SUGCT: variants seen among roughly 807,000 people sequenced by gnomAD.
SUGCT encodes succinyl-CoA:glutarate-CoA transferase, also known as succinyl-CoA:glutarate CoA-transferase.
In SUGCT, 41 loss-of-function variants were observed where a neutral mutation model predicts 55.0. That is an observed-to-expected ratio of 0.74 (90% CI 0.58 to 0.97). The LOEUF is 0.97. SUGCT is among the 50% of genes least tolerant of loss of function. The probability of loss-of-function intolerance (pLI) is 0.00; values close to 1 mark genes in which losing one functional copy is unlikely to be tolerated. For synonymous variants in SUGCT, 187 were observed against 200.4 expected (o/e 0.93, Z 0.56); for missense variants, 568 against 547.8 (o/e 1.04, Z -0.37).
At chr7:40,600,495 T>C (rs1798239928) in intron 12 of SUGCT, among the ~76,000 whole-genome samples, 1 of 152,224 alleles carries the variant, frequency 6.6e-6, no homozygotes, top group Non-Finnish European at 1.5e-5. Flanking sequence ...GTGCATCTGC[T>C]TAATCTCCAG....
At chr7:40,531,347 A>T (rs1794072267) in intron 12 of SUGCT, among the ~76,000 whole-genome samples, 1 of 152,148 alleles carries the variant, frequency 6.6e-6, no homozygotes. Flanking sequence ...TCACAGCCAC[A>T]CAGTAAATGG....
At chr7:40,828,688 G>A (rs1363136402) in intron 13 of SUGCT, among the ~76,000 whole-genome samples, 1 of 151,882 alleles carries the variant, frequency 6.6e-6, no homozygotes, top group Non-Finnish European at 1.5e-5. Flanking sequence ...ATTGTACTGT[G>A]CATTGTTATG....
intron 13 of SUGCT, among the ~76,000 whole-genome samples, chr7:40,796,177 AGTCAGTAAAAGAT>A (rs1240082575): frequency 2.6e-5 from 4 of 152,188 alleles, no homozygotes; most frequent in Non-Finnish European, 5.9e-5. Context: ...CCCACTAAAT[AGTCAGTAAAAGAT>A]GTCTAATAGC....
chr7:40,272,649 A>T, intron 7 of SUGCT, among the ~76,000 whole-genome samples: 1 of 146,648 alleles, frequency 6.8e-6, no homozygotes, highest in African/African-American at 2.5e-5. Flanking sequence ...TGGTATTATT[A>T]TTATTATTAT....
chr7:40,447,610 G>C (rs1028025632), intron 9 of SUGCT, among the ~76,000 whole-genome samples: 1 of 152,116 alleles, frequency 6.6e-6, no homozygotes, highest in Non-Finnish European at 1.5e-5. Flanking sequence ...ACCTTGAAAG[G>C]GGTGTTGGGA....
At chr7:40,810,487 G>A (rs1423722117) in intron 13 of SUGCT, among the ~76,000 whole-genome samples, 1 of 152,036 alleles carries the variant, frequency 6.6e-6, no homozygotes, top group African/African-American at 2.4e-5. Context: ...ATCTTATTGT[G>A]GTTTTGATTT....
chr7:40,311,049 G>A (rs989673639), intron 8 of SUGCT, among the ~76,000 whole-genome samples: 10 of 151,858 alleles, frequency 6.6e-5, no homozygotes. Context: ...TTTTCTTTTC[G>A]CTTCAATTAC....
chr7:40,688,586 A>G (rs894245518), intron 12 of SUGCT, among the ~76,000 whole-genome samples: 6 of 152,130 alleles, frequency 3.9e-5, no homozygotes, highest in Admixed American at 2.0e-4. Context: ...CAAAATTTCT[A>G]GCACATGTTG....
At position 40,223,039 on chromosome 7, in the gene SUGCT, T is replaced by TTCCTTCCTTCCA. The variant is rs1554291675; in HGVS notation, c.485-14593_485-14592insTTCCTTCCATCC. On this transcript the variant is annotated intron_variant, in intron 6 of 13. Transcript: ENST00000335693. ...CTTCCTTCCTTCCTTCCTTCCTTCCTTCCATCCATCCACCCATCCTTCCAT... is the reference window on the plus strand; with the variant it reads ...CTTCCTTCCTTCCTTCCTTCCTTCCTTCCTTCCTTCCATCCATCCATCCACCCATCCTTCCAT... 3.8e-4 allele frequency among the ~76,000 whole-genome samples: 51 copies of TTCCTTCCTTCCA among 133,380 alleles called. 1 individual carries two copies. The highest frequency in any genetic ancestry group is 1.9e-4 in the Non-Finnish European group (12 of 61,596). 87.5% of individuals were successfully genotyped at this position (133,380 alleles called of 152,430 possible). A position where few individuals can be genotyped will look rare whatever the true frequency, so the allele number is the denominator to read the frequency against.
intron 9 of SUGCT, among the ~76,000 whole-genome samples, chr7:40,348,836 T>G (rs1282685321): frequency 6.6e-6 from 1 of 152,178 alleles, no homozygotes; most frequent in Non-Finnish European, 1.5e-5. Context: ...TGTAATTTCT[T>G]TTGACTTCTC....
At chr7:40,698,766 C>T (rs1785047982) in intron 12 of SUGCT, among the ~76,000 whole-genome samples, 1 of 152,254 alleles carries the variant, frequency 6.6e-6, no homozygotes. Flanking sequence ...ATGACTCATA[C>T]TTTTCAACTC....
intron 3 of SUGCT, among the ~76,000 whole-genome samples, chr7:40,187,243 C>G (rs189050883): frequency 6.6e-6 from 1 of 152,034 alleles, no homozygotes; most frequent in African/African-American, 2.4e-5. Flanking sequence ...AATGAGAACA[C>G]ATGGACACAG....
At chr7:40,728,859 G>C (rs1011471940) in intron 12 of SUGCT, among the ~76,000 whole-genome samples, 1 of 152,134 alleles carries the variant, frequency 6.6e-6, no homozygotes, top group African/African-American at 2.4e-5. Context: ...TAACCATAAC[G>C]GTAATTGCAA....
chr7:40,421,814 C>T (rs1020278036), intron 9 of SUGCT, among the ~76,000 whole-genome samples: 9 of 152,140 alleles, frequency 5.9e-5, no homozygotes, highest in African/African-American at 9.7e-5. Context: ...ACTGTGTACT[C>T]ACTGATACTT....
At chr7:40,955,637 C>A in the SUGCT span, among the ~76,000 whole-genome samples, 13 of 152,248 alleles carry the variant, frequency 8.5e-5, no homozygotes, top group South Asian at 2.5e-3. Context: ...CTTTCTCTTG[C>A]CTGATTTCCC....
chr7:40,961,307 C>T, the SUGCT span, among the ~76,000 whole-genome samples: 1 of 152,170 alleles, frequency 6.6e-6, no homozygotes, highest in African/African-American at 2.4e-5. Flanking sequence ...ACACACAGTG[C>T]CACACCTGCC....
At chr7:40,558,058 T>C (rs1795647365) in intron 12 of SUGCT, among the ~76,000 whole-genome samples, 1 of 149,858 alleles carries the variant, frequency 6.7e-6, no homozygotes, top group Non-Finnish European at 1.5e-5. Context: ...TAAAGCACAA[T>C]GAAATACTAC....
At chr7:40,535,357 A>G (rs1794305026) in intron 12 of SUGCT, among the ~76,000 whole-genome samples, 1 of 152,130 alleles carries the variant, frequency 6.6e-6, no homozygotes, top group African/African-American at 2.4e-5. Flanking sequence ...TGCTGTCTTT[A>G]TGTCCATGTA....
intron 12 of SUGCT, among the ~76,000 whole-genome samples, chr7:40,563,141 A>G (rs1183805833): frequency 6.6e-6 from 1 of 152,174 alleles, no homozygotes; most frequent in Admixed American, 6.5e-5. Context: ...CTTTCTTAGC[A>G]GCAGGGAGTG....
Sources: gnomAD v4.1 joint callset for allele counts (sites outside exome capture counted in the v4.1 genomes callset) on GRCh38, gnomAD v4.1.1 for gene constraint, MANE v1.5 for transcripts, NCBI Gene and HGNC (gene_info 2026-07-23, HGNC 2026-07-21) for gene names.